Variants in FAM50B observed in about 807,000 individuals in gnomAD.
The protein encoded by FAM50B is family with sequence similarity 50 member B.
In FAM50B, 9 loss-of-function variants were observed where a neutral mutation model predicts 25.4. The ratio of observed to expected loss-of-function variants is 0.35; its 90% CI spans 0.21 to 0.62. The LOEUF (loss-of-function observed/expected upper bound fraction) is 0.62. Among genes scored for constraint, FAM50B ranks in the 20% least tolerant of loss-of-function variants. The pLI, the probability that FAM50B is intolerant of heterozygous loss-of-function variation, is 0.73. For synonymous variants in FAM50B, 212 were observed against 204.3 expected (o/e 1.04, Z -0.32); for missense variants, 372 against 477.9 (o/e 0.78, Z 2.07).
At chr6:3,843,424 C>T in the FAM50B span, among the ~76,000 whole-genome samples, 9 of 152,156 alleles carry the variant, frequency 5.9e-5, no homozygotes, top group African/African-American at 1.7e-4. Flanking sequence ...TCTTTTAAAC[C>T]GTTTTATCAA....
rs1487332917 is a variant in FAM50B at position 3,850,252 on chromosome 6, C to T, written c.441C>T (p.Asp147=). 2.5e-6 allele frequency: 4 copies of T among 1,613,086 alleles called. No homozygotes were observed. Among genetic ancestry groups the T allele is most frequent in the Non-Finnish European group, 3.4e-6 (4 of 1,179,872 alleles). ...CCGGAAACCTGGGCAAGAACCCCGA[C>T]GTGGACACCAGCTTCCTGCCAGACC... ...RRAGNLGKNP[D]VDTSFLPDRD... is the part of the protein sequence containing the mutation. The change falls in exon 2 of 2, where the codon GAC becomes GAT. Residue 147 remains aspartate, a synonymous_variant. Coordinates refer to ENST00000648326, the MANE Select transcript of FAM50B (RefSeq NM_012135.3).
the FAM50B span, among the ~76,000 whole-genome samples, chr6:3,838,879 A>G: frequency 4.0e-5 from 6 of 151,894 alleles, no homozygotes; most frequent in African/African-American, 9.6e-5. Context: ...CAAGAAAAAA[A>G]AGAATGAAGG....
chr6:3,850,003 G>A lies in FAM50B; in HGVS notation c.192G>A (p.Thr64=), dbSNP rs1762181981. 1.2e-6 allele frequency: 2 copies of A among 1,613,676 alleles called. No homozygotes were observed. The highest frequency in any genetic ancestry group is 1.7e-5 in the Admixed American group (1 of 60,004). Residue 64 remains threonine, a synonymous_variant, in exon 2 of 2, where the codon ACG becomes ACA. Coordinates refer to ENST00000648326, the MANE Select transcript of FAM50B (RefSeq NM_012135.3). The part of the protein sequence containing the change: ...DAVEAELKSS[T]VGLVTLNDMK... ...TGGAGGCCGAGCTGAAGTCCAGCAC[G>A]GTGGGCCTGGTGACCCTGAACGACA...
the FAM50B span, among the ~76,000 whole-genome samples, chr6:3,832,979 A>G: frequency 6.6e-6 from 1 of 152,048 alleles, no homozygotes. Flanking sequence ...CTCCCGTCTC[A>G]GCCCCCAAGT....
rs1161955947 is a variant in FAM50B, at chr6:3,850,533, A to G, written c.722A>G (p.Asp241Gly). The G allele has an allele frequency of 6.2e-7, 1 of 1,613,706 alleles. No individual in the cohort carries two copies. Among genetic ancestry groups the G allele is most frequent in the African/African-American group, 1.3e-5 (1 of 74,904 alleles). ...GVEQLMFIKEDLILPHYHTFY... is the reference protein window; with the variant it reads ...GVEQLMFIKEGLILPHYHTFY... The stretch of plus-strand genomic sequence containing the variant: ...GAGCAGCTCATGTTCATCAAGGAGG[A>G]CCTCATCCTGCCGCACTACCACACC... Residue 241 changes from aspartate to glycine, a missense_variant, in exon 2 of 2, where the codon GAC becomes GGC. Asp to Gly is a moderately conservative substitution (Grantham distance 94). This residue lies in a region of FAM50B where 27 missense variants were observed against 61.6 expected (regional missense o/e 0.44). Transcript: ENST00000648326.
Position 3,850,416 on chromosome 6 carries a change from G to C in FAM50B, c.605G>C (p.Arg202Pro), listed in dbSNP as rs138655805. 6 of 1,613,342 alleles carry C rather than the reference G, an allele frequency of 3.7e-6. No individual in the cohort carries two copies. The highest frequency in any genetic ancestry group is 5.1e-6 in the Non-Finnish European group (6 of 1,179,934). Residue 202 changes from arginine to proline, a missense_variant, in exon 2 of 2, where the codon CGG (arginine) becomes CCG (proline). Coordinates refer to ENST00000648326, the MANE Select transcript of FAM50B (RefSeq NM_012135.3). ...GGCTCGGGCCACCGGCGCACGGTGC[G>C]GGTGCGCAAGGGCAACACGGTGCAG... Reference protein sequence around the residue: ...WDGSGHRRTVRVRKGNTVQQF... With the variant: ...WDGSGHRRTVPVRKGNTVQQF...
the FAM50B span, among the ~76,000 whole-genome samples, chr6:3,841,458 G>C: frequency 6.6e-6 from 1 of 152,098 alleles, no homozygotes; most frequent in East Asian, 1.9e-4. Flanking sequence ...ACCATAGAGG[G>C]GTGTTCTCTA....
At chr6:3,848,177 C>T (rs969121724), upstream of FAM50B, among the ~76,000 whole-genome samples, 37 of 152,236 alleles carry the variant, frequency 2.4e-4, no homozygotes, top group Non-Finnish European at 5.0e-4. Context: ...AGGCGCTTGA[C>T]GCTGTGTTGC....
chr6:3,834,359 C>CAAAAAAAAAAAAAAAAAAAGGAA, the FAM50B span, among the ~76,000 whole-genome samples: 1 of 75,048 alleles, frequency 1.3e-5, no homozygotes, highest in African/African-American at 4.4e-5. Flanking sequence ...TGATATATGG[C>CAAAAAAAAAAAAAAAAAAAGGAA]AAAAAAAAAA....
upstream of FAM50B, among the ~76,000 whole-genome samples, chr6:3,846,227 C>G (rs1168597898): frequency 2.0e-5 from 3 of 152,138 alleles, no homozygotes; most frequent in Non-Finnish European, 4.4e-5. Context: ...TAGACAAGAA[C>G]AAGAATACAG....
upstream of FAM50B, among the ~76,000 whole-genome samples, chr6:3,846,739 ATT>A (rs1185363699): frequency 1.1e-4 from 16 of 152,352 alleles, no homozygotes; most frequent in Non-Finnish European, 2.1e-4. Flanking sequence ...AAAAATTTCA[ATT>A]TACTTTGCCC....
rs1211554230 is a variant in FAM50B, at chr6:3,850,078, C to T, written c.267C>T (p.Ala89=). 2 of 1,610,366 alleles carry T rather than the reference C, an allele frequency of 1.2e-6. No homozygotes were observed. Among genetic ancestry groups the T allele is most frequent in the South Asian group, 1.1e-5 (1 of 90,862 alleles). ...ALVRERERQL[A]KRQHLEEQRL... is the part of the protein sequence containing the mutation. ...TCAGGGAGCGCGAGCGGCAGCTGGC[C>T]AAGCGCCAGCACCTGGAGGAGCAGC... is the stretch of plus-strand genomic sequence containing the variant. The change falls in exon 2 of 2, where the codon GCC becomes GCT. Residue 89 remains alanine, a synonymous_variant. Coordinates refer to ENST00000648326, the MANE Select transcript of FAM50B (RefSeq NM_012135.3).
In FAM50B at chr6:3,850,518, T is replaced by G. The variant is rs1158198313; in HGVS notation, c.707T>G (p.Met236Arg). 1 of 1,613,716 alleles carries G rather than the reference T, an allele frequency of 6.2e-7. No individual in the cohort carries two copies. Residue 236 changes from methionine (M) to arginine (R), a missense_variant, in exon 2 of 2, where the codon ATG becomes AGG. By Grantham distance (91) the Met-to-Arg change is moderately conservative. Transcript: ENST00000648326. ...CGCTCCGCCGGCGTGGAGCAGCTCA[T>G]GTTCATCAAGGAGGACCTCATCCTG... Reference protein sequence around the residue: ...ELRSAGVEQLMFIKEDLILPH... With the variant: ...ELRSAGVEQLRFIKEDLILPH...
chr6:3,848,063 C>T (rs1762142620), upstream of FAM50B, among the ~76,000 whole-genome samples: 2 of 152,214 alleles, frequency 1.3e-5, no homozygotes, highest in Admixed American at 1.3e-4. Flanking sequence ...CACAGATCAC[C>T]ATAGCAGATA....
the FAM50B span, among the ~76,000 whole-genome samples, chr6:3,838,668 C>G: frequency 6.6e-6 from 1 of 151,736 alleles, no homozygotes; most frequent in African/African-American, 2.4e-5. Context: ...ATGGTGAAAC[C>G]CTGTCTCTAC....
chr6:3,840,662 A>G, the FAM50B span, among the ~76,000 whole-genome samples: 60 of 152,318 alleles, frequency 3.9e-4, no homozygotes, highest in African/African-American at 1.2e-3. Flanking sequence ...GAGCATCAGC[A>G]AATGAGCTCA....
chr6:3,836,971 C>A, the FAM50B span, among the ~76,000 whole-genome samples: 1 of 152,238 alleles, frequency 6.6e-6, no homozygotes, highest in African/African-American at 2.4e-5. Context: ...TTCGTGCAGG[C>A]TTTTGGAAAA....
chr6:3,843,373 T>A, the FAM50B span, among the ~76,000 whole-genome samples: 1 of 152,246 alleles, frequency 6.6e-6, no homozygotes, highest in Non-Finnish European at 1.5e-5. Context: ...CTTTCAGGAT[T>A]ACTTTTCTTT....
the FAM50B span, among the ~76,000 whole-genome samples, chr6:3,840,141 C>T: frequency 6.6e-6 from 1 of 152,100 alleles, no homozygotes; most frequent in Non-Finnish European, 1.5e-5. Flanking sequence ...TACAGGCGCA[C>T]ACCACCATGC....
Sources: gnomAD v4.1 joint callset for allele counts (sites outside exome capture counted in the v4.1 genomes callset) on GRCh38, gnomAD v4.1.1 for gene constraint, gnomAD v4.1.1 regional missense constraint, MANE v1.5 for transcripts, NCBI Gene and HGNC (gene_info 2026-07-23, HGNC 2026-07-21) for gene names.